Variants in SRCIN1 observed in about 807,000 individuals in gnomAD.
SRCIN1 encodes P130Cas-associated protein.
Under a neutral mutation model 116.2 loss-of-function variants are expected in SRCIN1, and 50 were observed. The ratio of observed to expected loss-of-function variants is 0.43; its 90% CI spans 0.34 to 0.54. The LOEUF (loss-of-function observed/expected upper bound fraction) is 0.54. Ranked by LOEUF, SRCIN1 falls within the 20% of genes least tolerant of loss-of-function variation. The pLI is 0.02. For missense variants in SRCIN1, 1,446 were observed against 1,672.0 expected, an observed-to-expected ratio of 0.86 and a Z score of 2.36; for synonymous variants, 736 against 750.0, an observed-to-expected ratio of 0.98 and a Z score of 0.30.
chr17:38,544,616 A>G lies in SRCIN1; in HGVS notation c.3271-647T>C, dbSNP rs1006079473. Reference sequence around the variant, plus strand: ...GAGAACTTTATTTGTTGGTTTACAGATACAGAGCAGAAGGGGGAGGCCCTG... The same window carrying G: ...GAGAACTTTATTTGTTGGTTTACAGGTACAGAGCAGAAGGGGGAGGCCCTG... On this transcript the variant is annotated intron_variant, in intron 17 of 18. Coordinates refer to ENST00000617146, the MANE Select transcript of SRCIN1 (RefSeq NM_025248.3). This position sits in a 1 kb window ranked among gnomAD's most constrained non-coding sequence, Gnocchi z 4.5. The G allele has an allele frequency of 6.6e-5, 10 of 152,200 alleles. No homozygotes were observed. Among genetic ancestry groups the G allele is most frequent in the African/African-American group, 2.4e-4 (10 of 41,420 alleles). The allele number at this position is 152,200 out of a possible 1,614,324, so 9.4% of individuals were successfully genotyped here. A position where few individuals can be genotyped will look rare whatever the true frequency, so the allele number is the denominator to read the frequency against.
At position 38,585,190 on chromosome 17, in the gene SRCIN1, G is replaced by A. The variant is rs1347561512; in HGVS notation, c.23-6399C>T. On this transcript the variant is annotated intron_variant, in intron 1 of 18. Coordinates refer to ENST00000617146, the MANE Select transcript of SRCIN1 (RefSeq NM_025248.3). The surrounding 1 kb of genome is among the most constrained non-coding windows in gnomAD (Gnocchi z 4.2). ...AACTCACAAGCCCACAGGACATGGG[G>A]CTAGGCAGGGCAGCAGGAGAGGAGC... Among the ~76,000 whole-genome samples the A allele has an allele frequency of 1.3e-5, 2 of 152,212 alleles. No homozygotes were observed. The highest frequency in any genetic ancestry group is 2.9e-5 in the Non-Finnish European group (2 of 68,036).
intron 2 of SRCIN1, among the ~76,000 whole-genome samples, chr17:38,575,946 C>T (rs757945180): frequency 5.9e-5 from 9 of 152,154 alleles, no homozygotes; most frequent in Non-Finnish European, 8.8e-5. Flanking sequence ...GGCAAGTGAA[C>T]GGGCCATAGA....
At position 38,602,308 on chromosome 17, in the gene SRCIN1, G is replaced by C. The variant is rs1404232190; in HGVS notation, c.22+3376C>G. ...AATGAAAGAAGGGGAAGCGAGTACA[G>C]CCCTCAAACCCGCTGACGGCCAGAT... On this transcript the variant is annotated intron_variant, in intron 1 of 18. Transcript: ENST00000617146. The surrounding 1 kb of genome is among the most constrained non-coding windows in gnomAD (Gnocchi z 4.2). The C allele has an allele frequency of 6.6e-6, 1 of 152,244 alleles. No individual in the cohort carries two copies. Among genetic ancestry groups the C allele is most frequent in the Non-Finnish European group, 1.5e-5 (1 of 68,046 alleles). The allele number at this position is 152,244 out of a possible 1,614,324, so 9.4% of individuals were successfully genotyped here.
At chr17:38,603,557 C>G (rs181874689) in intron 1 of SRCIN1, among the ~76,000 whole-genome samples, 1 of 152,230 alleles carries the variant, frequency 6.6e-6, no homozygotes, top group Non-Finnish European at 1.5e-5. Context: ...TCCATCCCAG[C>G]CTTGAGGGTC....
chr17:38,585,631 C>CT lies in SRCIN1; in HGVS notation c.23-6841dup. 2.6e-5 allele frequency among the ~76,000 whole-genome samples: 4 copies of CT among 152,342 alleles called. No individual in the cohort carries two copies. In the South Asian group the frequency reaches 8.3e-4, roughly 32 times the overall value. On this transcript the variant is annotated intron_variant, in intron 1 of 18. Transcript: ENST00000617146. This position sits in a 1 kb window ranked among gnomAD's most constrained non-coding sequence, Gnocchi z 4.2. ...ATACTCCTCAGTTTCTGCTGGCTGG[C>CT]TGTGGGTCCTTGGATCAGAAGCCCA...
At chr17:38,539,692 C>T (rs978372235) in intron 18 of SRCIN1, among the ~76,000 whole-genome samples, 1 of 152,142 alleles carries the variant, frequency 6.6e-6, no homozygotes, top group Non-Finnish European at 1.5e-5. Context: ...ACCTCGGCAT[C>T]CCTTGTTTTC....
At chr17:38,605,602 G>A in intron 1 of SRCIN1, 82 bp downstream of exon 1, 2 of 1,210,582 alleles carry the variant, frequency 1.7e-6, no homozygotes, top group Non-Finnish European at 2.2e-6. Context: ...CCCCGGCCGA[G>A]GGGGAAAACA....
chr17:38,552,343 C>A lies in SRCIN1; in HGVS notation c.2480+104G>T. On this transcript the variant is annotated intron_variant, in intron 13 of 18. Coordinates refer to ENST00000617146, the MANE Select transcript of SRCIN1 (RefSeq NM_025248.3). This position sits in a 1 kb window ranked among gnomAD's most constrained non-coding sequence, Gnocchi z 5.3. Reference sequence around the variant, plus strand: ...AGCTGAGGTGCCAGTCCAGTCGGCACGCCAGTGACCTTTGGGGGAGTTGGG... The same window carrying A: ...AGCTGAGGTGCCAGTCCAGTCGGCAAGCCAGTGACCTTTGGGGGAGTTGGG... 8 of 1,470,226 alleles carry A rather than the reference C, an allele frequency of 5.4e-6. No individual in the cohort carries two copies. Among genetic ancestry groups the A allele is most frequent in the Non-Finnish European group, 7.2e-6 (8 of 1,107,110 alleles). The allele number at this position is 1,470,226 out of a possible 1,614,324, so 91.1% of individuals were successfully genotyped here. A position where few individuals can be genotyped will look rare whatever the true frequency, so the allele number is the denominator to read the frequency against.
intron 1 of SRCIN1, among the ~76,000 whole-genome samples, chr17:38,587,181 G>A (rs1908159381): frequency 1.3e-5 from 2 of 152,060 alleles, no homozygotes; most frequent in African/African-American, 4.8e-5. Context: ...GGCAGAATTG[G>A]GTGGGGTGAG....
chr17:38,585,804 T>G lies in SRCIN1; in HGVS notation c.23-7013A>C, dbSNP rs1908080624. 6.6e-6 allele frequency among the ~76,000 whole-genome samples: 1 copy of G among 152,140 alleles called. No homozygotes were observed. The highest frequency in any genetic ancestry group is 1.5e-5 in the Non-Finnish European group (1 of 68,020). On this transcript the variant is annotated intron_variant, in intron 1 of 18. Coordinates refer to ENST00000617146, the MANE Select transcript of SRCIN1 (RefSeq NM_025248.3). The surrounding 1 kb of genome is among the most constrained non-coding windows in gnomAD (Gnocchi z 4.2). ...GCGCCCTGTTGAGTCTCCCTGTCAC[T>G]CCAACTAAAGCCTCGGAGATGAGGG...
chr17:38,543,038 G>A (rs1010486821), intron 18 of SRCIN1: 1 of 455,890 alleles, frequency 2.2e-6, no homozygotes, highest in African/African-American at 2.0e-5. Flanking sequence ...CTGGGTCCAG[G>A]AGCCACCCTG....
At chr17:38,548,848 A>G in intron 16 of SRCIN1, 139 bp from the exon 17 acceptor site, 1 of 1,317,956 alleles carries the variant, frequency 7.6e-7, no homozygotes, top group Non-Finnish European at 1.0e-6. Flanking sequence ...GTGTCCCTCA[A>G]CAGACAGGGG....
intron 11 of SRCIN1, among the ~76,000 whole-genome samples, chr17:38,556,430 G>T (rs1253302914): frequency 6.6e-6 from 1 of 152,258 alleles, no homozygotes; most frequent in Non-Finnish European, 1.5e-5. Flanking sequence ...TAGATGGGCA[G>T]GTGAGTGAGT....
At chr17:38,576,357 T>G (rs1366421636) in intron 2 of SRCIN1, among the ~76,000 whole-genome samples, 1 of 152,084 alleles carries the variant, frequency 6.6e-6, no homozygotes, top group East Asian at 1.9e-4. Flanking sequence ...TCCCCATCCT[T>G]TGGACTTCTG....
chr17:38,552,593 A>T lies in SRCIN1; in HGVS notation c.2334T>A (p.Ala778=), dbSNP rs770076937. 1.2e-6 allele frequency: 2 copies of T among 1,612,330 alleles called. No homozygotes were observed. The highest frequency in any genetic ancestry group is 1.7e-4 in the Middle Eastern group (1 of 6,060). ...TCTTGCTCTGCAGGCCCGGGAAGTGAGCTGAGGAGACAGGAAGGCATGAGC... is the reference window on the plus strand; with the variant it reads ...TCTTGCTCTGCAGGCCCGGGAAGTGTGCTGAGGAGACAGGAAGGCATGAGC... The part of the protein sequence containing the change: ...QLGETLTELK[A]HFPGLQSKMR... Residue 778 remains alanine, a splice_region_variant and synonymous_variant, in exon 13 of 19, where the codon GCT becomes GCA. Coordinates refer to ENST00000617146, the MANE Select transcript of SRCIN1 (RefSeq NM_025248.3). This position sits in a 1 kb window ranked among gnomAD's most constrained non-coding sequence, Gnocchi z 5.3.
At chr17:38,555,762 C>T (rs866135094) in intron 11 of SRCIN1, among the ~76,000 whole-genome samples, 1 of 152,188 alleles carries the variant, frequency 6.6e-6, no homozygotes, top group South Asian at 2.1e-4. Flanking sequence ...ATACACTGTC[C>T]TAGCCCAGCC....
intron 1 of SRCIN1, chr17:38,601,187 G>A (rs1160468091): frequency 6.6e-6 from 1 of 152,318 alleles, no homozygotes; most frequent in Non-Finnish European, 1.5e-5. Context: ...ACTTGCTCAA[G>A]GTCACGCAGA....
intron 18 of SRCIN1, among the ~76,000 whole-genome samples, chr17:38,540,020 C>CAAAAAA (rs71138631): frequency 6.6e-5 from 4 of 60,976 alleles, no homozygotes; most frequent in Non-Finnish European, 1.0e-4. Context: ...GACTCCATCT[C>CAAAAAA]AAAAAAAAAA....
chr17:38,586,954 T>C (rs1352391087), intron 1 of SRCIN1, among the ~76,000 whole-genome samples: 1 of 146,298 alleles, frequency 6.8e-6, no homozygotes, highest in East Asian at 2.0e-4. Context: ...GGGCTTTCCA[T>C]GGGGAGAGCA....
Sources: allele counts gnomAD v4.1 joint callset (sites outside exome capture counted in the v4.1 genomes callset), GRCh38; gene constraint gnomAD v4.1.1; non-coding constraint Gnocchi (gnomAD v3.1); transcripts MANE v1.5; gene names NCBI Gene and HGNC (gene_info 2026-07-23, HGNC 2026-07-21).